Variants in TSR1 observed in about 807,000 individuals in gnomAD.
The protein encoded by TSR1 is pre-rRNA-processing protein TSR1 homolog.
In TSR1, 81 loss-of-function variants were observed where a neutral mutation model predicts 90.9. The observed-to-expected ratio is 0.89, with a 90% CI of 0.74 to 1.07. The LOEUF is 1.07. Among genes scored for constraint, TSR1 ranks in the 50% least tolerant of loss-of-function variants. The pLI, the probability that TSR1 is intolerant of heterozygous loss-of-function variation, is 0.00. For synonymous variants in TSR1, 362 were observed against 348.8 expected (o/e 1.04, Z -0.42); for missense variants, 989 against 987.3 (o/e 1.00, Z -0.02).
At position 2,333,175 on chromosome 17, in the gene TSR1, C is replaced by T; in HGVS notation, c.1142-51G>A. 3.1e-6 allele frequency: 5 copies of T among 1,598,934 alleles called. No homozygotes were observed. In the South Asian group the frequency reaches 4.5e-5, roughly 14 times the overall value. ...AAATTACAGACTTCTTTTCCCTATC[C>T]CTCTGGTTATTCTCACCTAGGCAAG... On this transcript the variant is annotated intron_variant, in intron 6 of 14. Coordinates refer to ENST00000301364, the MANE Select transcript of TSR1 (RefSeq NM_018128.5).
Position 2,323,358 on chromosome 17 carries a change from CAAG to C in TSR1, c.*835_*837del. 6.2e-7 allele frequency: 1 copy of C among 1,613,610 alleles called. No homozygotes were observed. Among genetic ancestry groups the C allele is most frequent in the Non-Finnish European group, 8.5e-7 (1 of 1,179,656 alleles). Reference sequence around the variant, plus strand: ...GGATGAAATTAAGGTGAGGCTCCAGCAAGAAAAGAAATAGCAAAGCATGGTGTA... The same window carrying C: ...GGATGAAATTAAGGTGAGGCTCCAGCAAAAGAAATAGCAAAGCATGGTGTA... On this transcript the variant is annotated 3_prime_UTR_variant, in exon 15 of 15. Coordinates refer to ENST00000301364, the MANE Select transcript of TSR1 (RefSeq NM_018128.5).
chr17:2,330,855 TGCA>T (rs1480152866), intron 9 of TSR1, 89 bp downstream of exon 9: 1 of 1,432,440 alleles, frequency 7.0e-7, no homozygotes, highest in East Asian at 2.3e-5. Flanking sequence ...AATCCCCAAA[TGCA>T]GCATATTTTC....
At chr17:2,325,032 G>T in intron 12 of TSR1, 1 of 623,842 alleles carries the variant, frequency 1.6e-6, no homozygotes, top group Non-Finnish European at 2.7e-6. Flanking sequence ...GAGAAATGAT[G>T]TATAACAAAA....
intron 3 of TSR1, 26 bp from the exon 4 acceptor site, chr17:2,335,420 G>A (rs779202253): frequency 6.2e-6 from 10 of 1,601,570 alleles, no homozygotes; most frequent in South Asian, 1.1e-5. Context: ...ACAGTAAGAA[G>A]AGGTGGTTGG....
At chr17:2,330,896 G>A (rs777181168) in intron 9 of TSR1, 51 bp downstream of exon 9, 6 of 1,528,398 alleles carry the variant, frequency 3.9e-6, no homozygotes, top group Admixed American at 2.2e-5. Context: ...AAAGTAGGGA[G>A]CATGTTGACA....
At chr17:2,333,251 G>T in intron 6 of TSR1, 127 bp from the exon 7 acceptor site, 1 of 1,123,718 alleles carries the variant, frequency 8.9e-7, no homozygotes, top group Non-Finnish European at 1.3e-6. Context: ...ACTGTAAATA[G>T]AACTACTTCC....
intron 5 of TSR1, among the ~76,000 whole-genome samples, chr17:2,334,144 C>G (rs2064027395): frequency 6.6e-6 from 1 of 152,210 alleles, no homozygotes; most frequent in South Asian, 2.1e-4. Flanking sequence ...TCTACTTTCT[C>G]AACTTCCACT....
chr17:2,333,739 A>G lies in TSR1; in HGVS notation c.982-23T>C, dbSNP rs200775197. On this transcript the variant is annotated intron_variant, in intron 5 of 14. Transcript: ENST00000301364. ...AATCTGAAAACCAAAAGCAGGTGAT[A>G]GTCAACCATGAACCAAAAATCTCCT... is the stretch of plus-strand genomic sequence containing the variant. The G allele has an allele frequency of 3.2e-3, 5,090 of 1,613,538 alleles. 23 individuals carry two copies. The highest frequency in any genetic ancestry group is 0.017 in the South Asian group (1,541 of 91,060).
intron 11 of TSR1, chr17:2,328,938 A>C (rs1302899591): frequency 8.2e-6 from 2 of 242,722 alleles, no homozygotes; most frequent in South Asian, 4.7e-5. Context: ...AAAAAAAAAA[A>C]AAAAAAAAAC....
intron 10 of TSR1, 119 bp downstream of exon 10, chr17:2,330,396 G>A (rs1342612470): frequency 1.2e-6 from 1 of 843,056 alleles, no homozygotes; most frequent in Admixed American, 1.7e-5. Context: ...TAATCATAAA[G>A]GCAGACTTTT....
At chr17:2,335,776 T>G in intron 2 of TSR1, 46 bp from the exon 3 acceptor site, 24 of 1,578,892 alleles carry the variant, frequency 1.5e-5, no homozygotes, top group Non-Finnish European at 2.1e-5. Context: ...TCTCAGTACT[T>G]CACTCCAGCA....
intron 3 of TSR1, 28 bp from the exon 4 acceptor site, chr17:2,335,422 G>A (rs2064049994): frequency 1.9e-6 from 3 of 1,604,266 alleles, no homozygotes; most frequent in South Asian, 2.2e-5. Context: ...AGTAAGAAGA[G>A]GTGGTTGGCA....
rs1346412798 is a variant in TSR1 at position 2,331,007 on chromosome 17, A to G, written c.1599T>C (p.Phe533=). ...DYARIFQFQN[F]TNTRKSIFKE... ...TAAAGATGCTTTTCCTAGTGTTAGT[A>G]AAGTTCTGAAACTGAAATATTCGAG... The change falls in exon 9 of 15, where the codon TTT becomes TTC. Residue 533 remains phenylalanine, a synonymous_variant. Coordinates refer to ENST00000301364, the MANE Select transcript of TSR1 (RefSeq NM_018128.5). 6.2e-7 allele frequency: 1 copy of G among 1,611,218 alleles called. No individual in the cohort carries two copies. The highest frequency in any genetic ancestry group is 8.5e-7 in the Non-Finnish European group (1 of 1,179,372).
At chr17:2,335,884 C>A (rs1192838630) in intron 2 of TSR1, among the ~76,000 whole-genome samples, 153 bp downstream of exon 2, 2 of 152,208 alleles carry the variant, frequency 1.3e-5, no homozygotes, top group Non-Finnish European at 2.9e-5. Context: ...GAATTCTGAC[C>A]AAAGCAAAGA....
At chr17:2,332,839 A>T in intron 7 of TSR1, 122 bp downstream of exon 7, 1 of 675,136 alleles carries the variant, frequency 1.5e-6, no homozygotes, top group Non-Finnish European at 2.1e-6. Flanking sequence ...TCCGTCTCAT[A>T]AAAAAAAAAT....
In TSR1 at chr17:2,323,816, C is replaced by T; in HGVS notation, c.*380G>A. 6.2e-7 allele frequency: 1 copy of T among 1,614,160 alleles called. No homozygotes were observed. The highest frequency in any genetic ancestry group is 8.5e-7 in the Non-Finnish European group (1 of 1,180,038). ...GTGGAAATGTAGACTTAACCTCCTC[C>T]ATAACTTGGGTGAAGCAGGCTGAAA... On this transcript the variant is annotated 3_prime_UTR_variant, in exon 15 of 15. Coordinates refer to ENST00000301364, the MANE Select transcript of TSR1 (RefSeq NM_018128.5).
chr17:2,325,250 G>T, intron 12 of TSR1, 54 bp downstream of exon 12: 2 of 1,274,906 alleles, frequency 1.6e-6, no homozygotes, highest in Non-Finnish European at 2.2e-6. Context: ...AGAGAAAACG[G>T]TGTTCATCTA....
chr17:2,336,072 G>A lies in TSR1; in HGVS notation c.166C>T (p.Arg56Cys), dbSNP rs144223722. Residue 56 changes from arginine (R) to cysteine (C), a missense_variant, in exon 2 of 15, where the codon CGC becomes TGC. Coordinates refer to ENST00000301364, the MANE Select transcript of TSR1 (RefSeq NM_018128.5). ...KELSRVDQRH[R>C]ASQLRKQKKE... is the part of the protein sequence containing the mutation. The stretch of plus-strand genomic sequence containing the variant: ...TTCTGCTTTCGGAGCTGGCTGGCGC[G>A]ATGCCTCTGGTCGACTCTGCTGAGT... 6.2e-7 allele frequency: 1 copy of A among 1,614,166 alleles called. No individual in the cohort carries two copies. The highest frequency in any genetic ancestry group is 2.2e-5 in the East Asian group (1 of 44,882).
At chr17:2,332,085 TG>T (rs2064008659) in intron 8 of TSR1, 83 bp downstream of exon 8, 1 of 1,492,576 alleles carries the variant, frequency 6.7e-7, no homozygotes, top group Admixed American at 2.2e-5. Context: ...TTTCTTCTTT[TG>T]CATCACAGTG....
Sources: gnomAD v4.1 joint callset for allele counts (sites outside exome capture counted in the v4.1 genomes callset) on GRCh38, gnomAD v4.1.1 for gene constraint, MANE v1.5 for transcripts, NCBI Gene and HGNC (gene_info 2026-07-23, HGNC 2026-07-21) for gene names.